The following FHIP1A variants were observed in gnomAD, a reference collection of about 807,000 sequenced individuals.
The protein encoded by FHIP1A is FHF complex subunit HOOK-interacting protein 1A.
A neutral mutation model predicts 88.6 loss-of-function variants in FHIP1A; 61 were observed. The observed-to-expected ratio is 0.69, with a 90% confidence interval of 0.56 to 0.85. The LOEUF (loss-of-function observed/expected upper bound fraction) is 0.85. FHIP1A is among the 40% of genes least tolerant of loss of function. The pLI is 0.00. For synonymous variants in FHIP1A, 478 were observed against 496.0 expected, an observed-to-expected ratio of 0.96 and a Z score of 0.48; for missense variants, 1,154 against 1,273.5, an observed-to-expected ratio of 0.91 and a Z score of 1.43.
At chr4:151,412,607 CCTT>C (rs1732701120) in intron 1 of FHIP1A, among the ~76,000 whole-genome samples, 1 of 138,614 alleles carries the variant, frequency 7.2e-6, no homozygotes, top group African/African-American at 2.8e-5. Flanking sequence ...TTCCTTCCTT[CCTT>C]CCTCCCTCCC....
In FHIP1A at chr4:151,623,309, T is replaced by C. The variant is rs375939452; in HGVS notation, c.979-6393T>C. ...ACAGCCTGTTCTAGGACACACTGAA[T>C]CTTTGGGGCTGAGGTAGCCTATCCC... is the stretch of plus-strand genomic sequence containing the variant. On this transcript the variant is annotated intron_variant, in intron 7 of 13. Coordinates refer to ENST00000435205, the MANE Select transcript of FHIP1A (RefSeq NM_001109977.3). 2.5e-4 allele frequency among the ~76,000 whole-genome samples: 38 copies of C among 152,272 alleles called. 1 individual carries two copies. The highest frequency in any genetic ancestry group is 9.1e-4 in the African/African-American group (38 of 41,564).
At chr4:151,518,416 A>T (rs1731326911) in intron 3 of FHIP1A, among the ~76,000 whole-genome samples, 1 of 152,170 alleles carries the variant, frequency 6.6e-6, no homozygotes, top group African/African-American at 2.4e-5. Flanking sequence ...CGTTTCTCAG[A>T]ATGTAGCCCA....
intron 5 of FHIP1A, among the ~76,000 whole-genome samples, chr4:151,583,377 G>C (rs1734095151): frequency 6.6e-6 from 1 of 152,204 alleles, no homozygotes. Context: ...ATGTCCTTCT[G>C]TTCCGGGAGT....
At chr4:151,526,197 C>T (rs373527474) in intron 3 of FHIP1A, among the ~76,000 whole-genome samples, 4 of 150,700 alleles carry the variant, frequency 2.7e-5, no homozygotes, top group Non-Finnish European at 1.5e-5. Flanking sequence ...TTCTCAATCT[C>T]TTCCCCACCC....
chr4:151,542,956 C>T (rs974741608), intron 3 of FHIP1A, among the ~76,000 whole-genome samples: 1 of 152,162 alleles, frequency 6.6e-6, no homozygotes, highest in African/African-American at 2.4e-5. Flanking sequence ...GTATCTGACA[C>T]AGTAAGAATT....
At chr4:151,587,117 A>T (rs1734247933) in intron 6 of FHIP1A, among the ~76,000 whole-genome samples, 1 of 152,146 alleles carries the variant, frequency 6.6e-6, no homozygotes, top group Admixed American at 6.6e-5. Context: ...GTTTCTAAGT[A>T]CTCCAGATTA....
At chr4:151,538,490 G>A (rs1019752423) in intron 3 of FHIP1A, among the ~76,000 whole-genome samples, 2 of 152,122 alleles carry the variant, frequency 1.3e-5, no homozygotes, top group Non-Finnish European at 2.9e-5. Context: ...AAGGGATAGG[G>A]CCCTAGGAAT....
chr4:151,485,598 T>G (rs1730055247), intron 3 of FHIP1A, among the ~76,000 whole-genome samples: 1 of 151,462 alleles, frequency 6.6e-6, no homozygotes, highest in African/African-American at 2.4e-5. Flanking sequence ...AGAGTTTTTT[T>G]TTTTTTTTTT....
intron 3 of FHIP1A, among the ~76,000 whole-genome samples, chr4:151,546,631 G>A (rs1732514702): frequency 6.6e-6 from 1 of 152,190 alleles, no homozygotes; most frequent in Non-Finnish European, 1.5e-5. Context: ...TCCTAGTAGT[G>A]GAGACATCTA....
chr4:151,509,759 TTGTGTGTGTG>T (rs113966280), intron 3 of FHIP1A, among the ~76,000 whole-genome samples: 2 of 147,022 alleles, frequency 1.4e-5, no homozygotes, highest in African/African-American at 2.5e-5. Context: ...GTCTCTATGT[TTGTGTGTGTG>T]TGTGTGTGTG....
intron 7 of FHIP1A, among the ~76,000 whole-genome samples, chr4:151,615,197 A>G (rs1735476207): frequency 6.6e-6 from 1 of 151,776 alleles, no homozygotes; most frequent in Non-Finnish European, 1.5e-5. Flanking sequence ...ATTCAATTTC[A>G]AAGGATTTCT....
rs1037451379 is a variant in FHIP1A, at chr4:151,518,047, C to G, written c.-123+35399C>G. On this transcript the variant is annotated intron_variant, in intron 3 of 13. Transcript: ENST00000435205. Reference sequence around the variant, plus strand: ...CCTAGATGTACAGTATTTATAAAGTCTATAGCAGTGTACAGTCATGTCCTA... The same window carrying G: ...CCTAGATGTACAGTATTTATAAAGTGTATAGCAGTGTACAGTCATGTCCTA... Among the ~76,000 whole-genome samples the G allele has an allele frequency of 5.9e-5, 9 of 152,256 alleles. 1 individual carries two copies. The highest frequency in any genetic ancestry group is 5.9e-4 in the Admixed American group (9 of 15,294).
intron 4 of FHIP1A, among the ~76,000 whole-genome samples, chr4:151,570,318 C>T (rs543344032): frequency 7.2e-5 from 11 of 152,268 alleles, no homozygotes; most frequent in African/African-American, 2.6e-4. Flanking sequence ...AATGCCTGTC[C>T]TTCTACAGGC....
chr4:151,513,372 G>A lies in FHIP1A; in HGVS notation c.-123+30724G>A, dbSNP rs1206166422. ...CATGCCAAATTGTAAAGACCATCGA[G>A]GCTAGGAAGAAACTGCATCAACTAA... is the stretch of plus-strand genomic sequence containing the variant. On this transcript the variant is annotated intron_variant, in intron 3 of 13. Coordinates refer to ENST00000435205, the MANE Select transcript of FHIP1A (RefSeq NM_001109977.3). Among the ~76,000 whole-genome samples the A allele has an allele frequency of 7.2e-5, 11 of 152,260 alleles. No homozygotes were observed. The East Asian group carries it at 1.9e-3, about 27-fold the overall frequency.
At chr4:151,530,643 G>A (rs754449427) in intron 3 of FHIP1A, among the ~76,000 whole-genome samples, 2 of 152,162 alleles carry the variant, frequency 1.3e-5, no homozygotes, top group Non-Finnish European at 2.9e-5. Context: ...CTGGGAAAAC[G>A]TTTGCAATTG....
intron 2 of FHIP1A, among the ~76,000 whole-genome samples, chr4:151,478,762 C>A (rs1399694245): frequency 1.3e-5 from 2 of 152,046 alleles, no homozygotes; most frequent in African/African-American, 4.8e-5. Context: ...AACTACAGAA[C>A]CTTGGACAAT....
chr4:151,414,356 A>G (rs1158814899), intron 1 of FHIP1A, among the ~76,000 whole-genome samples: 7 of 152,154 alleles, frequency 4.6e-5, no homozygotes, highest in African/African-American at 1.7e-4. Flanking sequence ...TCTGGCCTCT[A>G]TCTAGTTTTT....
intron 1 of FHIP1A, among the ~76,000 whole-genome samples, chr4:151,440,863 G>C (rs1395000818): frequency 1.3e-5 from 2 of 152,130 alleles, no homozygotes; most frequent in African/African-American, 2.4e-5. Flanking sequence ...TTTGCAGCTT[G>C]GCATCCAGTT....
At chr4:151,543,946 A>G (rs1732392096) in intron 3 of FHIP1A, among the ~76,000 whole-genome samples, 1 of 152,204 alleles carries the variant, frequency 6.6e-6, no homozygotes, top group Admixed American at 6.5e-5. Context: ...AGGGTGTTTC[A>G]AGGCACTGAT....
Sources: gnomAD v4.1 joint callset for allele counts (sites outside exome capture counted in the v4.1 genomes callset) on GRCh38, gnomAD v4.1.1 for gene constraint, MANE v1.5 for transcripts, NCBI Gene and HGNC (gene_info 2026-07-23, HGNC 2026-07-21) for gene names.